Variants in LRBA observed in about 807,000 individuals in gnomAD.
The protein encoded by LRBA is lipopolysaccharide-responsive and beige-like anchor protein.
Under a neutral mutation model 330.0 loss-of-function variants are expected in LRBA, and 176 were observed. The observed-to-expected ratio is 0.53, with a 90% CI of 0.47 to 0.60. The LOEUF (loss-of-function observed/expected upper bound fraction) is 0.60. Ranked by LOEUF, LRBA falls within the 20% of genes least tolerant of loss-of-function variation. The probability of loss-of-function intolerance (pLI) is 0.00; values close to 1 mark genes in which losing one functional copy is unlikely to be tolerated. For missense variants in LRBA, 3,259 were observed against 3,444.8 expected (o/e 0.95, Z 1.35); for synonymous variants, 1,230 against 1,193.0 (o/e 1.03, Z -0.64).
chr4:150,372,991 A>G (rs540141240), intron 47 of LRBA, among the ~76,000 whole-genome samples: 1 of 152,126 alleles, frequency 6.6e-6, no homozygotes, highest in African/African-American at 2.4e-5. Flanking sequence ...AAGCAATCCT[A>G]TGGAGAGTGT....
rs1443899249 is a variant in LRBA at position 150,277,990 on chromosome 4, G to A, written c.8331C>T (p.Ser2777=). 6.2e-7 allele frequency: 1 copy of A among 1,613,776 alleles called. No individual in the cohort carries two copies. Among genetic ancestry groups the A allele is most frequent in the Admixed American group, 1.7e-5 (1 of 59,996 alleles). ...TDDNIRAIQL[S]RDGQYLLTGG... The stretch of plus-strand genomic sequence containing the variant: ...CTGTGAGCAGGTACTGCCCATCTCG[G>A]CTCAGCTGGATGGCCTGTGAGACAC... Residue 2777 remains serine (S), a synonymous_variant, in exon 56 of 57, where the codon AGC becomes AGT. Coordinates refer to ENST00000651943, the MANE Select transcript of LRBA (RefSeq NM_001364905.1).
chr4:150,450,067 C>A (rs1466869824), intron 44 of LRBA, among the ~76,000 whole-genome samples: 2 of 152,072 alleles, frequency 1.3e-5, no homozygotes, highest in Non-Finnish European at 2.9e-5. Context: ...AATATAAAGC[C>A]ATAGACAGGC....
Position 150,321,046 on chromosome 4 carries a change from T to C in LRBA, c.7630+145A>G. 1.3e-6 allele frequency: 1 copy of C among 743,718 alleles called. No individual in the cohort carries two copies. Among genetic ancestry groups the C allele is most frequent in the Non-Finnish European group, 2.1e-6 (1 of 479,278 alleles). The allele number at this position is 743,718 out of a possible 1,614,324, so 46.1% of individuals were successfully genotyped here. On this transcript the variant is annotated intron_variant, in intron 50 of 56. Transcript: ENST00000651943. This position sits in a 1 kb window ranked among gnomAD's most constrained non-coding sequence, Gnocchi z 4.5. Reference sequence around the variant, plus strand: ...TACTATATGCCTCACGTGGGCCTTTTTTAAGCCTTTCAAACTATTAAACAA... The same window carrying C: ...TACTATATGCCTCACGTGGGCCTTTCTTAAGCCTTTCAAACTATTAAACAA...
intron 37 of LRBA, among the ~76,000 whole-genome samples, chr4:150,626,157 T>G (rs1776841314): frequency 6.6e-6 from 1 of 152,172 alleles, no homozygotes; most frequent in African/African-American, 2.4e-5. Context: ...AACACAATAT[T>G]CTGCATCTTA....
At chr4:150,601,665 T>C (rs1353018704) in intron 37 of LRBA, among the ~76,000 whole-genome samples, 1 of 152,070 alleles carries the variant, frequency 6.6e-6, no homozygotes, top group Non-Finnish European at 1.5e-5. Context: ...TATGCAGACA[T>C]ACATACTGTC....
At chr4:150,892,975 T>C (rs1160714071) in intron 17 of LRBA, 77 bp downstream of exon 17, 1 of 876,376 alleles carries the variant, frequency 1.1e-6, no homozygotes, top group Non-Finnish European at 1.8e-6. Flanking sequence ...TAAGTTTAAA[T>C]AATCCTTTTC....
intron 37 of LRBA, among the ~76,000 whole-genome samples, chr4:150,645,575 T>C (rs1044428899): frequency 2.6e-4 from 40 of 151,960 alleles, no homozygotes; most frequent in African/African-American, 9.4e-4. Context: ...TCCATTTAAA[T>C]GTGGTACTGC....
At chr4:150,752,254 T>G (rs1733657530) in intron 35 of LRBA, among the ~76,000 whole-genome samples, 1 of 152,106 alleles carries the variant, frequency 6.6e-6, no homozygotes, top group Non-Finnish European at 1.5e-5. Context: ...TAACTCTCCA[T>G]GTATCTGCCT....
At chr4:150,976,703 C>CAGCACCTGGTTTTAAT (rs1740219910) in intron 2 of LRBA, among the ~76,000 whole-genome samples, 1 of 152,172 alleles carries the variant, frequency 6.6e-6, no homozygotes, top group South Asian at 2.1e-4. Flanking sequence ...TGAGCAATCA[C>CAGCACCTGGTTTTAAT]TTCGTATCAC....
At chr4:150,803,062 C>CAA (rs1372230666) in intron 33 of LRBA, among the ~76,000 whole-genome samples, 7 of 96,320 alleles carry the variant, frequency 7.3e-5, no homozygotes, top group African/African-American at 1.3e-4. Flanking sequence ...AAAACAAAAA[C>CAA]AAACAAAAAA....
intron 26 of LRBA, among the ~76,000 whole-genome samples, chr4:150,848,603 T>C (rs1019321642): frequency 6.7e-6 from 1 of 149,666 alleles, no homozygotes; most frequent in Non-Finnish European, 1.5e-5. Flanking sequence ...TGGAAACTCC[T>C]GACCAAAATC....
At chr4:150,978,898 A>G (rs1740521493) in intron 2 of LRBA, among the ~76,000 whole-genome samples, 2 of 152,326 alleles carry the variant, frequency 1.3e-5, no homozygotes, top group South Asian at 2.1e-4. Flanking sequence ...TCTAGAAAAC[A>G]GCCTCAAAAG....
intron 37 of LRBA, among the ~76,000 whole-genome samples, chr4:150,643,509 T>C (rs1163096871): frequency 6.6e-6 from 1 of 151,820 alleles, no homozygotes; most frequent in Non-Finnish European, 1.5e-5. Flanking sequence ...GTAAGCTATA[T>C]TGACATTTGG....
intron 36 of LRBA, among the ~76,000 whole-genome samples, chr4:150,726,106 GA>G (rs571277762): frequency 1.2e-3 from 190 of 152,144 alleles, no homozygotes; most frequent in African/African-American, 4.5e-3. Context: ...AAAACAACCA[GA>G]AAGCAAATAA....
chr4:150,502,105 T>C (rs547928990), intron 40 of LRBA, among the ~76,000 whole-genome samples: 8 of 152,324 alleles, frequency 5.3e-5, no homozygotes, highest in African/African-American at 1.9e-4. Context: ...ATCTGCAGCC[T>C]TCAGCTGAGT....
intron 37 of LRBA, among the ~76,000 whole-genome samples, chr4:150,643,258 C>T (rs1778846293): frequency 6.6e-6 from 1 of 151,698 alleles, no homozygotes; most frequent in Non-Finnish European, 1.5e-5. Context: ...TGAATATCTA[C>T]CATATGCCAA....
At chr4:150,929,620 G>C (rs962235108) in intron 2 of LRBA, among the ~76,000 whole-genome samples, 7 of 152,096 alleles carry the variant, frequency 4.6e-5, no homozygotes, top group Admixed American at 4.6e-4. Flanking sequence ...CAGTAACCAA[G>C]AAAATGTATT....
chr4:150,579,192 A>G, intron 40 of LRBA: 1 of 456,636 alleles, frequency 2.2e-6, no homozygotes, highest in South Asian at 1.5e-5. Context: ...ACCATCAAGG[A>G]GCTGCTGATG....
intron 36 of LRBA, among the ~76,000 whole-genome samples, chr4:150,710,585 G>A (rs1420894041): frequency 6.6e-6 from 1 of 151,962 alleles, no homozygotes; most frequent in Non-Finnish European, 1.5e-5. Context: ...TCCATTCACA[G>A]AAAAAGGATA....
Sources: gnomAD v4.1 joint callset for allele counts (sites outside exome capture counted in the v4.1 genomes callset) on GRCh38, gnomAD v4.1.1 for gene constraint, Gnocchi (gnomAD v3.1) non-coding constraint, MANE v1.5 for transcripts, NCBI Gene and HGNC (gene_info 2026-07-23, HGNC 2026-07-21) for gene names.